ROS1: variants seen among roughly 807,000 people sequenced by gnomAD.
ROS1 encodes proto-oncogene tyrosine-protein kinase ROS.
ROS1 carries 263 observed loss-of-function variants against 273.5 expected under a neutral mutation model. That is an observed-to-expected ratio of 0.96 (90% CI 0.87 to 1.06). The LOEUF (loss-of-function observed/expected upper bound fraction) is 1.06, where lower values mean the gene tolerates loss of function less well. Among genes scored for constraint, ROS1 ranks in the 50% least tolerant of loss-of-function variants. The probability of loss-of-function intolerance (pLI) is 0.00; values close to 1 mark genes in which losing one functional copy is unlikely to be tolerated. For synonymous variants in ROS1, 1,008 were observed against 954.1 expected (o/e 1.06, Z -1.04); for missense variants, 2,833 against 2,751.1 (o/e 1.03, Z -0.67).
At position 117,425,703 on chromosome 6, in the gene ROS1, A is replaced by T. The variant is rs1776089335; in HGVS notation, c.-47T>A. 1 of 1,599,084 alleles carries T rather than the reference A, an allele frequency of 6.3e-7. No individual in the cohort carries two copies. Reference sequence around the variant, plus strand: ...TTAGATGGCCGGTCTAATTTTCTCCATTTTGCTATATGAATTATTTGGGCT... The same window carrying T: ...TTAGATGGCCGGTCTAATTTTCTCCTTTTTGCTATATGAATTATTTGGGCT... On this transcript the variant is annotated 5_prime_UTR_variant, in exon 1 of 44. An upstream start codon of the reference 5' UTR is lost. Coordinates refer to ENST00000368507, the MANE Select transcript of ROS1 (RefSeq NM_001378902.1).
intron 26 of ROS1, 120 bp from the exon 27 acceptor site, chr6:117,353,286 C>A: frequency 1.5e-6 from 1 of 686,992 alleles, no homozygotes; most frequent in Middle Eastern, 3.8e-4. Context: ...ATTATTTCAA[C>A]ATTAAAAAAT....
intron 33 of ROS1, among the ~76,000 whole-genome samples, chr6:117,327,352 GT>G (rs957026020): frequency 6.6e-6 from 1 of 151,974 alleles, no homozygotes; most frequent in African/African-American, 2.4e-5. Context: ...AGGACAGAGT[GT>G]TTTTACACAT....
chr6:117,371,472 C>T (rs1162016412), intron 18 of ROS1, among the ~76,000 whole-genome samples: 1 of 152,142 alleles, frequency 6.6e-6, no homozygotes, highest in Non-Finnish European at 1.5e-5. Flanking sequence ...TGCAGAGATC[C>T]TTGGGGAGGG....
intron 1 of ROS1, among the ~76,000 whole-genome samples, chr6:117,423,622 C>A (rs1298115668): frequency 6.6e-6 from 1 of 151,972 alleles, no homozygotes; most frequent in Non-Finnish European, 1.5e-5. Context: ...AATACCAATG[C>A]TCAAGCATAG....
chr6:117,406,342 G>A (rs1001066687), intron 5 of ROS1, among the ~76,000 whole-genome samples: 44 of 152,012 alleles, frequency 2.9e-4, no homozygotes, highest in African/African-American at 9.4e-4. Context: ...CATACTCACC[G>A]ATAAATGACC....
rs184589893 is a variant in ROS1 at position 117,364,518 on chromosome 6, A to T, written c.3103+542T>A. On this transcript the variant is annotated intron_variant, in intron 21 of 43. Transcript: ENST00000368507. ...CACCTCAGAGCTCTGTGAGGATCAA[A>T]TGAAATGATGTTTCTGACACATGAT... Among the ~76,000 whole-genome samples, 399 of 152,250 alleles carry T rather than the reference A, an allele frequency of 2.6e-3. 2 individuals carry two copies. The highest frequency in any genetic ancestry group is 8.7e-3 in the African/African-American group (361 of 41,494).
chr6:117,390,944 G>T (rs1163602760), intron 12 of ROS1, among the ~76,000 whole-genome samples: 1 of 152,164 alleles, frequency 6.6e-6, no homozygotes, highest in East Asian at 1.9e-4. Flanking sequence ...CATTAATGTG[G>T]ATGTAGCTAA....
chr6:117,336,383 T>C (rs540250039), intron 32 of ROS1, among the ~76,000 whole-genome samples: 1 of 152,206 alleles, frequency 6.6e-6, no homozygotes, highest in Admixed American at 6.5e-5. Flanking sequence ...CCATGCGTTC[T>C]CATTGTTCAG....
chr6:117,370,913 T>C (rs182119001), intron 18 of ROS1, among the ~76,000 whole-genome samples: 2 of 152,274 alleles, frequency 1.3e-5, no homozygotes, highest in Non-Finnish European at 2.9e-5. Flanking sequence ...TAGACTTAAA[T>C]CCAAACATAT....
rs116552596 is a variant in ROS1 at position 117,345,830 on chromosome 6, G to C, written c.4304-1568C>G. ...TAGCTATTACTATCATCATTACTGA[G>C]ACTAAAATGAAAAGTTAGAGAAAAT... On this transcript the variant is annotated intron_variant, in intron 27 of 43. Coordinates refer to ENST00000368507, the MANE Select transcript of ROS1 (RefSeq NM_001378902.1). Among the ~76,000 whole-genome samples, 589 of 152,238 alleles carry C rather than the reference G, an allele frequency of 3.9e-3. 1 individual carries two copies. Among genetic ancestry groups the C allele is most frequent in the African/African-American group, 0.013 (546 of 41,546 alleles).
chr6:117,402,824 G>A (rs1194764597), intron 7 of ROS1, among the ~76,000 whole-genome samples: 3 of 149,748 alleles, frequency 2.0e-5, no homozygotes, highest in Non-Finnish European at 4.4e-5. Context: ...GGAGGTGGAG[G>A]TTGCAGTGAG....
chr6:117,386,063 A>G (rs1473967489), intron 15 of ROS1, among the ~76,000 whole-genome samples: 1 of 152,266 alleles, frequency 6.6e-6, no homozygotes, highest in Non-Finnish European at 1.5e-5. Flanking sequence ...GTGGATACAC[A>G]TCGAGCATCT....
chr6:117,358,788 T>C (rs1258541972), intron 24 of ROS1, among the ~76,000 whole-genome samples: 4 of 152,030 alleles, frequency 2.6e-5, no homozygotes, highest in Non-Finnish European at 5.9e-5. Context: ...AATGTCCAGT[T>C]TGTCATCTCC....
intron 33 of ROS1, chr6:117,328,549 A>G (rs1582634562): frequency 2.4e-6 from 1 of 411,884 alleles, no homozygotes; most frequent in East Asian, 4.1e-5. Flanking sequence ...GGTTATGGGA[A>G]TGCCAGAGCC....
intron 7 of ROS1, among the ~76,000 whole-genome samples, chr6:117,401,595 G>C (rs1773935368): frequency 6.6e-6 from 1 of 152,154 alleles, no homozygotes; most frequent in South Asian, 2.1e-4. Flanking sequence ...CCATAACCCA[G>C]AAAATACTTT....
At chr6:117,352,921 G>T in intron 27 of ROS1, 69 bp downstream of exon 27, 2 of 1,407,938 alleles carry the variant, frequency 1.4e-6, no homozygotes, top group Admixed American at 1.8e-5. Context: ...CCTTGGAGAA[G>T]GAGATGTTAT....
chr6:117,387,945 G>A lies in ROS1; in HGVS notation c.1834C>T (p.Gln612Ter), dbSNP rs950724665. The A allele has an allele frequency of 9.9e-6, 16 of 1,614,014 alleles. No individual in the cohort carries two copies. The highest frequency in any genetic ancestry group is 1.1e-5 in the Non-Finnish European group (13 of 1,180,010). Residue 612 changes from glutamine to a stop codon, truncating the protein, a stop_gained, in exon 14 of 44, where the codon CAA becomes TAA. Coordinates refer to ENST00000368507, the MANE Select transcript of ROS1 (RefSeq NM_001378902.1). LOFTEE classifies it high-confidence loss of function. ...NWTYEVKVST[Q>*]DPPEVTHIFL... ...ATATGAGTGACTTCAGGAGGGTCTT[G>A]GGTGGATACTTTCACCTCATAGGTC...
chr6:117,317,662 A>T (rs535799589), intron 38 of ROS1, among the ~76,000 whole-genome samples: 1 of 152,238 alleles, frequency 6.6e-6, no homozygotes, highest in East Asian at 1.9e-4. Context: ...TTGGCTACAC[A>T]GTTTTCTCAA....
chr6:117,368,446 GA>G (rs1380895385), intron 18 of ROS1, among the ~76,000 whole-genome samples: 7 of 152,256 alleles, frequency 4.6e-5, no homozygotes, highest in Admixed American at 1.3e-4. Context: ...AGAGTAGTTT[GA>G]GGGGCAATTC....
Sources: allele counts gnomAD v4.1 joint callset (sites outside exome capture counted in the v4.1 genomes callset), GRCh38; gene constraint gnomAD v4.1.1; transcripts MANE v1.5; gene names NCBI Gene and HGNC (gene_info 2026-07-23, HGNC 2026-07-21).